The following PKHD1L1 variants were observed in gnomAD, a reference collection of about 807,000 sequenced individuals.
PKHD1L1 encodes PKHD1 like 1, also known as fibrocystin-L.
Under a neutral mutation model 462.9 loss-of-function variants are expected in PKHD1L1, and 434 were observed. The ratio of observed to expected loss-of-function variants is 0.94; its 90% CI spans 0.87 to 1.02. PKHD1L1 has a LOEUF of 1.02. PKHD1L1 is among the 50% of genes least tolerant of loss of function. The pLI is 0.00. For missense variants in PKHD1L1, 5,202 were observed against 5,096.1 expected (o/e 1.02, Z -0.63); for synonymous variants, 1,781 against 1,750.0 (o/e 1.02, Z -0.44).
chr8:109,445,902 A>G (rs1300690002), intron 38 of PKHD1L1, among the ~76,000 whole-genome samples: 1 of 152,170 alleles, frequency 6.6e-6, no homozygotes, highest in Admixed American at 6.5e-5. Context: ...TAAATTTCAA[A>G]TGAGGAAAAA....
chr8:109,486,848 T>C lies in PKHD1L1; in HGVS notation c.9880+27T>C, dbSNP rs755381404. 4.4e-6 allele frequency: 7 copies of C among 1,591,700 alleles called. No individual in the cohort carries two copies. The South Asian group carries it at 7.8e-5, about 18-fold the overall frequency. On this transcript the variant is annotated intron_variant, in intron 59 of 77. Coordinates refer to ENST00000378402, the MANE Select transcript of PKHD1L1 (RefSeq NM_177531.6). ...TTGGTATCAATTCAGTTTATTTTTC[T>C]AAATGAGCTATAACATTATCTCATC...
At chr8:109,461,959 C>G in intron 48 of PKHD1L1, 51 bp downstream of exon 48, 1 of 1,542,936 alleles carries the variant, frequency 6.5e-7, no homozygotes, top group South Asian at 1.2e-5. Context: ...GTTATCCATA[C>G]AAGAAATGTG....
chr8:109,438,338 A>AGT lies in PKHD1L1; in HGVS notation c.3643_3644dup (p.Asp1216LeufsTer28). On this transcript the variant is annotated frameshift_variant, in exon 31 of 78. Coordinates refer to ENST00000378402, the MANE Select transcript of PKHD1L1 (RefSeq NM_177531.6). LOFTEE classifies it high-confidence loss of function. ...TCTTATTTTAGAAAACTGAGGGTAC[A>AGT]GTTGATATTTCAGTTACTACCAATG... 1 of 1,518,900 alleles carries AGT rather than the reference A, an allele frequency of 6.6e-7. No homozygotes were observed. The highest frequency in any genetic ancestry group is 8.9e-7 in the Non-Finnish European group (1 of 1,126,268). 94.1% of individuals were successfully genotyped at this position (1,518,900 alleles called of 1,614,324 possible).
chr8:109,416,558 T>C (rs1179794415), intron 21 of PKHD1L1, among the ~76,000 whole-genome samples: 2 of 152,222 alleles, frequency 1.3e-5, no homozygotes, highest in Admixed American at 1.3e-4. Context: ...ATATATGCCT[T>C]TGAGGCCATT....
intron 2 of PKHD1L1, among the ~76,000 whole-genome samples, chr8:109,375,764 C>T (rs534770025): frequency 3.3e-5 from 5 of 152,196 alleles, no homozygotes; most frequent in Non-Finnish European, 7.3e-5. Context: ...GCTGGAGGTC[C>T]ACTCCAGACC....
intron 62 of PKHD1L1, 32 bp downstream of exon 62, chr8:109,492,026 T>A: frequency 7.3e-7 from 1 of 1,378,618 alleles, no homozygotes; most frequent in Non-Finnish European, 9.7e-7. Context: ...TTATACTAAT[T>A]TATAATTATA....
chr8:109,478,839 T>A (rs1388436380), intron 53 of PKHD1L1, among the ~76,000 whole-genome samples: 3 of 152,152 alleles, frequency 2.0e-5, no homozygotes, highest in African/African-American at 4.8e-5. Flanking sequence ...TGAATTTTCA[T>A]CACTGGAAAT....
chr8:109,492,113 C>A, intron 62 of PKHD1L1, 119 bp downstream of exon 62: 1 of 796,102 alleles, frequency 1.3e-6, no homozygotes. Flanking sequence ...ATGTAAGTTT[C>A]GATGGCCATT....
chr8:109,406,343 C>G lies in PKHD1L1; in HGVS notation c.1678C>G (p.Pro560Ala), dbSNP rs1440326604. Residue 560 changes from proline to alanine, a missense_variant, in exon 17 of 78, where the codon CCT (proline) becomes GCT (alanine). Coordinates refer to ENST00000378402, the MANE Select transcript of PKHD1L1 (RefSeq NM_177531.6). ...TTTTAATCCAATCAAAGTCTTCCTA[C>G]CTGCTGATGCTTCTGAATTCATACT... Reference protein sequence around the residue: ...IYNMEKTVFLPADASEFILQS... With the variant: ...IYNMEKTVFLAADASEFILQS... The G allele has an allele frequency of 1.3e-6, 2 of 1,547,308 alleles. No homozygotes were observed. The highest frequency in any genetic ancestry group is 2.4e-5 in the South Asian group (2 of 82,854).
At chr8:109,425,802 T>C (rs896074414) in intron 24 of PKHD1L1, among the ~76,000 whole-genome samples, 1 of 152,118 alleles carries the variant, frequency 6.6e-6, no homozygotes, top group African/African-American at 2.4e-5. Context: ...TAGCCATGAG[T>C]CATATGTGGC....
At chr8:109,491,143 A>C (rs1236852459) in intron 61 of PKHD1L1, 42 bp downstream of exon 61, 1 of 1,568,550 alleles carries the variant, frequency 6.4e-7, no homozygotes, top group South Asian at 1.1e-5. Flanking sequence ...CATCCTGTGG[A>C]GGCTTTCTTA....
intron 68 of PKHD1L1, among the ~76,000 whole-genome samples, chr8:109,505,052 T>C (rs1238502011): frequency 6.6e-6 from 1 of 152,066 alleles, no homozygotes; most frequent in Admixed American, 6.6e-5. Context: ...TTATTATTAT[T>C]ATTATCATTA....
At chr8:109,511,657 G>C (rs977436115) in intron 71 of PKHD1L1, among the ~76,000 whole-genome samples, 40 of 151,948 alleles carry the variant, frequency 2.6e-4, no homozygotes, top group African/African-American at 5.8e-4. Context: ...ATAAACATAC[G>C]TGTGCATGTG....
At chr8:109,526,636 A>T in intron 76 of PKHD1L1, 148 bp from the exon 77 acceptor site, 1 of 704,066 alleles carries the variant, frequency 1.4e-6, no homozygotes, top group Non-Finnish European at 2.3e-6. Flanking sequence ...ACTTGTCTGT[A>T]CTTAAACTAA....
chr8:109,432,838 C>T (rs1370081673), intron 27 of PKHD1L1, among the ~76,000 whole-genome samples: 2 of 152,068 alleles, frequency 1.3e-5, no homozygotes, highest in Non-Finnish European at 2.9e-5. Context: ...TTATCTTATG[C>T]CATATTTTCA....
intron 32 of PKHD1L1, among the ~76,000 whole-genome samples, chr8:109,440,240 G>A (rs1815698340): frequency 6.6e-6 from 1 of 151,992 alleles, no homozygotes; most frequent in African/African-American, 2.4e-5. Context: ...TGAAGTAATG[G>A]GAAGGGAGAC....
intron 24 of PKHD1L1, 36 bp downstream of exon 24, chr8:109,425,268 C>T: frequency 6.6e-7 from 1 of 1,508,336 alleles, no homozygotes; most frequent in Non-Finnish European, 8.9e-7. Context: ...GGTGTATACG[C>T]ACACACATAT....
At chr8:109,467,002 A>G (rs576418764) in intron 50 of PKHD1L1, among the ~76,000 whole-genome samples, 1 of 152,218 alleles carries the variant, frequency 6.6e-6, no homozygotes, top group Non-Finnish European at 1.5e-5. Flanking sequence ...AGACAATATT[A>G]TGACAGAGAG....
chr8:109,469,690 GCTAT>G (rs1400730862), intron 50 of PKHD1L1, among the ~76,000 whole-genome samples: 2 of 152,148 alleles, frequency 1.3e-5, no homozygotes, highest in East Asian at 3.9e-4. Context: ...TCATGTACCT[GCTAT>G]CTGAGTAATA....
Sources: gnomAD v4.1 joint callset for allele counts (sites outside exome capture counted in the v4.1 genomes callset) on GRCh38, gnomAD v4.1.1 for gene constraint, MANE v1.5 for transcripts, NCBI Gene and HGNC (gene_info 2026-07-23, HGNC 2026-07-21) for gene names.